HDAC9: variants seen among roughly 807,000 people sequenced by gnomAD.
HDAC9 encodes the protein MEF-2 interacting transcription repressor (MITR) protein.
HDAC9 carries 41 observed loss-of-function variants against 139.4 expected under a neutral mutation model. The observed-to-expected ratio is 0.29, with a 90% CI of 0.23 to 0.38. The LOEUF (loss-of-function observed/expected upper bound fraction) is 0.38. Among genes scored for constraint, HDAC9 ranks in the 10% least tolerant of loss-of-function variants. HDAC9 has a pLI of 1.00. For synonymous variants in HDAC9, 517 were observed against 476.2 expected, an observed-to-expected ratio of 1.09 and a Z score of -1.12; for missense variants, 1,147 against 1,297.0, an observed-to-expected ratio of 0.88 and a Z score of 1.78.
chr7:18,737,766 C>G (rs1787061187), intron 13 of HDAC9, among the ~76,000 whole-genome samples: 1 of 152,140 alleles, frequency 6.6e-6, no homozygotes. Flanking sequence ...CTGTAGATGT[C>G]TATTAGGTCC....
chr7:18,152,442 T>C (rs1786850329), intron 1 of HDAC9, among the ~76,000 whole-genome samples: 1 of 152,218 alleles, frequency 6.6e-6, no homozygotes, highest in East Asian at 1.9e-4. Flanking sequence ...TCTTAATTGT[T>C]CATATGCATA....
chr7:18,501,504 G>A (rs1739976893), intron 2 of HDAC9, among the ~76,000 whole-genome samples: 1 of 152,170 alleles, frequency 6.6e-6, no homozygotes, highest in African/African-American at 2.4e-5. Flanking sequence ...TACATTTATA[G>A]TTCCTTCAAC....
At chr7:18,370,878 G>T (rs956158282) in intron 1 of HDAC9, among the ~76,000 whole-genome samples, 2 of 152,128 alleles carry the variant, frequency 1.3e-5, no homozygotes, top group African/African-American at 2.4e-5. Context: ...CCGTAGGGGC[G>T]TAGAGGAAAA....
chr7:18,905,361 A>G (rs571756589), intron 22 of HDAC9, among the ~76,000 whole-genome samples: 3 of 152,362 alleles, frequency 2.0e-5, no homozygotes, highest in East Asian at 1.9e-4. Context: ...CATTAAGACA[A>G]TGTTGTCCCT....
chr7:18,229,370 G>A (rs940848858), intron 2 of HDAC9, among the ~76,000 whole-genome samples: 2 of 152,174 alleles, frequency 1.3e-5, no homozygotes, highest in Non-Finnish European at 2.9e-5. Context: ...TGTATCTTTT[G>A]TGCCTAGCAC....
intron 1 of HDAC9, among the ~76,000 whole-genome samples, chr7:18,342,646 C>G (rs770326151): frequency 1.3e-5 from 2 of 151,782 alleles, no homozygotes; most frequent in Non-Finnish European, 2.9e-5. Flanking sequence ...ATAGTTGTGC[C>G]TACTTTCGGA....
chr7:18,712,658 T>C (rs940492405), intron 12 of HDAC9, among the ~76,000 whole-genome samples: 4 of 152,196 alleles, frequency 2.6e-5, no homozygotes, highest in African/African-American at 9.6e-5. Flanking sequence ...TATTGCAGGT[T>C]CATTGACATG....
intron 1 of HDAC9, among the ~76,000 whole-genome samples, chr7:18,466,356 C>T (rs1420836716): frequency 6.6e-6 from 1 of 152,108 alleles, no homozygotes; most frequent in African/African-American, 2.4e-5. Context: ...ACCACCACAC[C>T]TGGCTAATTT....
chr7:18,955,329 T>A (rs1783075507), intron 24 of HDAC9, among the ~76,000 whole-genome samples: 1 of 152,038 alleles, frequency 6.6e-6, no homozygotes, highest in African/African-American at 2.4e-5. Context: ...ATAAAGAGGG[T>A]CTATTACATG....
At chr7:18,831,707 A>T (rs144903744) in intron 19 of HDAC9, among the ~76,000 whole-genome samples, 27 of 152,264 alleles carry the variant, frequency 1.8e-4, no homozygotes, top group African/African-American at 6.0e-4. Flanking sequence ...TTAAGGTGCC[A>T]CGTGGCCTTG....
At chr7:18,183,165 A>G (rs1428947272) in intron 2 of HDAC9, among the ~76,000 whole-genome samples, 3 of 151,850 alleles carry the variant, frequency 2.0e-5, no homozygotes, top group Non-Finnish European at 4.4e-5. Flanking sequence ...GCCTGCCACC[A>G]CACCCGGCTA....
At chr7:18,685,421 C>T (rs1434660799) in intron 12 of HDAC9, among the ~76,000 whole-genome samples, 1 of 151,890 alleles carries the variant, frequency 6.6e-6, no homozygotes, top group Non-Finnish European at 1.5e-5. Flanking sequence ...TCAGTTTCCT[C>T]ATTTGTTAAT....
intron 17 of HDAC9, among the ~76,000 whole-genome samples, chr7:18,814,903 T>G (rs1216457946): frequency 6.6e-6 from 1 of 152,144 alleles, no homozygotes; most frequent in Non-Finnish European, 1.5e-5. Context: ...TTGCAATTAG[T>G]TACTCTTTAA....
At chr7:18,666,744 A>G (rs1794992344) in intron 12 of HDAC9, 2 of 1,262,566 alleles carry the variant, frequency 1.6e-6, no homozygotes, top group South Asian at 4.8e-5. Context: ...ATTATGATAC[A>G]TAATATCTGA....
chr7:18,827,900 G>A (rs750797074), intron 17 of HDAC9, among the ~76,000 whole-genome samples: 4 of 152,006 alleles, frequency 2.6e-5, no homozygotes, highest in Non-Finnish European at 5.9e-5. Context: ...ATTATCTTGT[G>A]TTGTTCATTG....
intron 25 of HDAC9, among the ~76,000 whole-genome samples, chr7:18,976,671 T>C (rs1483874717): frequency 1.3e-5 from 2 of 152,352 alleles, no homozygotes; most frequent in East Asian, 3.9e-4. Flanking sequence ...TTGGTGTTCA[T>C]CATTCAGTTC....
intron 2 of HDAC9, chr7:18,162,727 GA>G (rs1317541524): frequency 1.2e-5 from 2 of 170,820 alleles, no homozygotes; most frequent in African/African-American, 4.8e-5. Flanking sequence ...TGGGGCTTTG[GA>G]AGTCAGTTTG....
At chr7:18,742,494 T>C (rs1282754537) in intron 13 of HDAC9, among the ~76,000 whole-genome samples, 1 of 152,238 alleles carries the variant, frequency 6.6e-6, no homozygotes, top group East Asian at 1.9e-4. Flanking sequence ...AACATAACTT[T>C]TACAAGCATA....
At chr7:18,309,707 A>G (rs1209892469) in intron 1 of HDAC9, among the ~76,000 whole-genome samples, 3 of 152,158 alleles carry the variant, frequency 2.0e-5, no homozygotes, top group Admixed American at 6.5e-5. Flanking sequence ...TTGTGGTAGC[A>G]TGTTATCAGA....
Sources: allele counts gnomAD v4.1 joint callset (sites outside exome capture counted in the v4.1 genomes callset), GRCh38; gene constraint gnomAD v4.1.1; transcripts MANE v1.5; gene names NCBI Gene and HGNC (gene_info 2026-07-23, HGNC 2026-07-21).